The following PDE4D variants were observed in gnomAD, a reference collection of about 807,000 sequenced individuals.
The protein encoded by PDE4D is phosphodiesterase 4D.
PDE4D carries 24 observed loss-of-function variants against 87.4 expected under a neutral mutation model. The observed-to-expected ratio is 0.27, with a 90% CI of 0.20 to 0.39. The LOEUF (loss-of-function observed/expected upper bound fraction) is 0.39. Among genes scored for constraint, PDE4D ranks in the 10% least tolerant of loss-of-function variants. The pLI is 1.00. For missense variants in PDE4D, 714 were observed against 1,041.0 expected, an observed-to-expected ratio of 0.69 and a Z score of 4.32; for synonymous variants, 384 against 383.2, an observed-to-expected ratio of 1.00 and a Z score of -0.02.
At chr5:59,896,901 T>A (rs761805587), upstream of PDE4D, among the ~76,000 whole-genome samples, 2 of 152,240 alleles carry the variant, frequency 1.3e-5, no homozygotes, top group African/African-American at 2.4e-5. Flanking sequence ...CTACTTTTAA[T>A]TAAAACAACA....
At chr5:59,768,743 C>G in intron 1 of PDE4D, 1 of 989,868 alleles carries the variant, frequency 1.0e-6, no homozygotes, top group South Asian at 1.8e-5. Context: ...CCAAAGATCA[C>G]TGACAAGCTC....
intron 6 of PDE4D, among the ~76,000 whole-genome samples, chr5:59,031,552 C>T (rs1384903748): frequency 2.0e-5 from 3 of 147,776 alleles, no homozygotes; most frequent in Admixed American, 1.3e-4. Context: ...CTTAAAAATA[C>T]AAAAAATTAG....
At chr5:59,909,250 A>G (rs1753175010) in intron 3 of PDE4D, among the ~76,000 whole-genome samples, 1 of 152,180 alleles carries the variant, frequency 6.6e-6, no homozygotes, top group African/African-American at 2.4e-5. Context: ...CTTCTAATTT[A>G]GTATTATTCA....
chr5:60,434,425 C>T (rs1051154292), intron 1 of PDE4D, among the ~76,000 whole-genome samples: 2 of 150,608 alleles, frequency 1.3e-5, no homozygotes, highest in African/African-American at 4.9e-5. Flanking sequence ...GGGAAGACAC[C>T]AGAACATGTC....
At chr5:59,673,616 A>T (rs1240764244) in intron 1 of PDE4D, among the ~76,000 whole-genome samples, 1 of 152,218 alleles carries the variant, frequency 6.6e-6, no homozygotes, top group Non-Finnish European at 1.5e-5. Flanking sequence ...GAGCAGCTTC[A>T]TTCTAAGGGA....
intron 1 of PDE4D, among the ~76,000 whole-genome samples, chr5:59,265,523 T>C (rs975701544): frequency 6.6e-6 from 1 of 152,078 alleles, no homozygotes; most frequent in Non-Finnish European, 1.5e-5. Flanking sequence ...TTCTTGATTA[T>C]TTAGAAAGTC....
At chr5:59,587,237 T>G (rs1825292529) in intron 1 of PDE4D, among the ~76,000 whole-genome samples, 1 of 152,208 alleles carries the variant, frequency 6.6e-6, no homozygotes, top group African/African-American at 2.4e-5. Context: ...CAAAACCATG[T>G]GGGAGCTTTT....
chr5:59,083,286 T>C (rs1335404332), intron 5 of PDE4D, among the ~76,000 whole-genome samples: 1 of 152,092 alleles, frequency 6.6e-6, no homozygotes, highest in African/African-American at 2.4e-5. Context: ...TACTTAGAAT[T>C]CCAAAATTTT....
intron 2 of PDE4D, among the ~76,000 whole-genome samples, chr5:60,181,049 AG>A (rs1391410607): frequency 6.6e-6 from 1 of 152,160 alleles, no homozygotes; most frequent in Admixed American, 6.5e-5. Context: ...TCTATCTTAC[AG>A]GGTAATTGTG....
chr5:60,262,618 A>G (rs1176550735), intron 1 of PDE4D: 1 of 152,224 alleles, frequency 6.6e-6, no homozygotes, highest in Non-Finnish European at 1.5e-5. Flanking sequence ...TAACCTTAAA[A>G]TACAATGATT....
intron 1 of PDE4D, among the ~76,000 whole-genome samples, chr5:59,711,353 A>G (rs1297664938): frequency 1.3e-5 from 2 of 152,150 alleles, no homozygotes; most frequent in African/African-American, 2.4e-5. Context: ...TTCTTTTAAA[A>G]ATAATAGTTA....
At chr5:59,724,937 G>A (rs1580696951) in intron 1 of PDE4D, among the ~76,000 whole-genome samples, 2 of 152,002 alleles carry the variant, frequency 1.3e-5, no homozygotes, top group Non-Finnish European at 2.9e-5. Context: ...ATTGAACCTG[G>A]CTCTGCTTTT....
intron 3 of PDE4D, among the ~76,000 whole-genome samples, chr5:59,973,957 T>C (rs959895204): frequency 3.9e-5 from 6 of 152,104 alleles, no homozygotes; most frequent in South Asian, 4.1e-4. Flanking sequence ...TACAACTCTA[T>C]CAAATAGCCT....
chr5:60,086,729 C>A (rs1375599476), intron 2 of PDE4D, among the ~76,000 whole-genome samples: 1 of 152,238 alleles, frequency 6.6e-6, no homozygotes, highest in African/African-American at 2.4e-5. Context: ...CCCCATCAGT[C>A]TGGGAATCTT....
At chr5:59,985,451 C>G (rs1354209091) in intron 3 of PDE4D, among the ~76,000 whole-genome samples, 1 of 152,032 alleles carries the variant, frequency 6.6e-6, no homozygotes, top group East Asian at 1.9e-4. Flanking sequence ...CCGCACTTTA[C>G]CTTCTACTTC....
chr5:60,205,004 G>A (rs1440253922), intron 1 of PDE4D, among the ~76,000 whole-genome samples: 2 of 152,162 alleles, frequency 1.3e-5, no homozygotes, highest in Non-Finnish European at 2.9e-5. Context: ...TATTATCTGT[G>A]GGGATTATTA....
In PDE4D at chr5:59,884,439, A is replaced by T. The variant is rs549909549; in HGVS notation, c.455+8729T>A. Among the ~76,000 whole-genome samples, 55 of 152,052 alleles carry T rather than the reference A, an allele frequency of 3.6e-4. No individual in the cohort carries two copies. In the South Asian group the frequency reaches 0.011, roughly 30 times the overall value. ...ACCATATTCTGTCATCTATTCTCTAAATTGCTTTTTCCACATAACAACTTG... is the reference window on the plus strand; with the variant it reads ...ACCATATTCTGTCATCTATTCTCTATATTGCTTTTTCCACATAACAACTTG... On this transcript the variant is annotated intron_variant, in intron 1 of 14. Transcript: ENST00000340635.
chr5:59,348,588 CA>C (rs1257484712), intron 1 of PDE4D, among the ~76,000 whole-genome samples: 2 of 146,014 alleles, frequency 1.4e-5, no homozygotes, highest in African/African-American at 5.0e-5. Context: ...TTTAGCTCAA[CA>C]CAAAGCTTAT....
intron 1 of PDE4D, among the ~76,000 whole-genome samples, chr5:59,327,821 A>G (rs1415209371): frequency 2.6e-5 from 4 of 152,210 alleles, no homozygotes; most frequent in Non-Finnish European, 5.9e-5. Context: ...AACTGCTACA[A>G]ACTGGTGATA....
Sources: gnomAD v4.1 joint callset for allele counts (sites outside exome capture counted in the v4.1 genomes callset) on GRCh38, gnomAD v4.1.1 for gene constraint, MANE v1.5 for transcripts, NCBI Gene and HGNC (gene_info 2026-07-23, HGNC 2026-07-21) for gene names.